TMEM132D: variants seen among roughly 807,000 people sequenced by gnomAD.
The protein encoded by TMEM132D is mature OL transmembrane protein.
A neutral mutation model predicts 62.3 loss-of-function variants in TMEM132D; 21 were observed. The ratio of observed to expected loss-of-function variants is 0.34; its 90% confidence interval spans 0.24 to 0.49. The LOEUF is 0.49. Ranked by LOEUF, TMEM132D falls within the 20% of genes least tolerant of loss-of-function variation. The pLI, the probability that TMEM132D is intolerant of heterozygous loss-of-function variation, is 0.99. For synonymous variants in TMEM132D, 621 were observed against 575.6 expected (o/e 1.08, Z -1.13); for missense variants, 1,346 against 1,402.8 (o/e 0.96, Z 0.65).
At chr12:129,785,149 G>C (rs1871218081) in intron 1 of TMEM132D, among the ~76,000 whole-genome samples, 1 of 152,170 alleles carries the variant, frequency 6.6e-6, no homozygotes, top group Non-Finnish European at 1.5e-5. Flanking sequence ...AGACCACTGA[G>C]TGCTGCTGTG....
intron 5 of TMEM132D, among the ~76,000 whole-genome samples, chr12:129,151,816 T>C (rs1663662385): frequency 6.6e-6 from 1 of 152,146 alleles, no homozygotes; most frequent in African/African-American, 2.4e-5. Flanking sequence ...AATATTTGTA[T>C]ATTACCTGGA....
At chr12:129,350,955 G>C (rs1300173309) in intron 3 of TMEM132D, among the ~76,000 whole-genome samples, 1 of 152,192 alleles carries the variant, frequency 6.6e-6, no homozygotes, top group Admixed American at 6.5e-5. Flanking sequence ...GCAGGTATCA[G>C]GCAAAGCTCC....
intron 1 of TMEM132D, among the ~76,000 whole-genome samples, chr12:129,901,308 T>C (rs891457608): frequency 1.3e-5 from 2 of 152,222 alleles, no homozygotes; most frequent in South Asian, 2.1e-4. Flanking sequence ...GGGAAAAGAA[T>C]GGCCCTGTCC....
At chr12:129,422,878 A>G (rs75496292) in intron 3 of TMEM132D, among the ~76,000 whole-genome samples, 27,967 of 80,190 alleles carry the variant, frequency 0.35, 3,014 homozygotes, top group African/African-American at 0.47. Context: ...ATATATGTGT[A>G]TATATATATA....
At chr12:129,365,286 G>A (rs536090367) in intron 3 of TMEM132D, among the ~76,000 whole-genome samples, 27 of 152,194 alleles carry the variant, frequency 1.8e-4, no homozygotes, top group African/African-American at 6.5e-4. Context: ...AACTGTTAAG[G>A]TTAATAGATG....
intron 2 of TMEM132D, among the ~76,000 whole-genome samples, chr12:129,610,641 C>CATAG (rs1878749501): frequency 6.6e-6 from 1 of 152,036 alleles, no homozygotes; most frequent in East Asian, 1.9e-4. Flanking sequence ...AGATTGCTTG[C>CATAG]ATAGAGCCAT....
In TMEM132D at chr12:129,074,339, T is replaced by C. The variant is rs752730914; in HGVS notation, c.2836A>G (p.Arg946Gly). Residue 946 changes from arginine (R) to glycine (G), a missense_variant, in exon 9 of 9, where the codon AGA becomes GGA. Physicochemically the swap from Arg to Gly is moderately radical, Grantham distance 125. Coordinates refer to ENST00000422113, the MANE Select transcript of TMEM132D (RefSeq NM_133448.3). ...TCCTCGAAGGGAACCTGTTTGTGTC[T>C]GTATTTTAATGCAAAGGTCACACAG... is the stretch of plus-strand genomic sequence containing the variant. ...INCVTFALKY[R>G]HKQVPFEEQE... 3 of 1,614,138 alleles carry C rather than the reference T, an allele frequency of 1.9e-6. No homozygotes were observed. The highest frequency in any genetic ancestry group is 2.2e-5 in the South Asian group (2 of 91,076).
At chr12:129,595,339 A>G (rs1005763924) in intron 2 of TMEM132D, among the ~76,000 whole-genome samples, 4 of 152,156 alleles carry the variant, frequency 2.6e-5, no homozygotes, top group African/African-American at 9.7e-5. Context: ...ATGTGCAGAG[A>G]TATCTTTGGT....
intron 2 of TMEM132D, among the ~76,000 whole-genome samples, chr12:129,594,657 C>T (rs1878284784): frequency 6.6e-6 from 1 of 152,168 alleles, no homozygotes; most frequent in Admixed American, 6.5e-5. Context: ...CAAAGCTCTC[C>T]TAAGTCCTGT....
chr12:129,866,582 T>G (rs532988402), intron 1 of TMEM132D, among the ~76,000 whole-genome samples: 4 of 150,976 alleles, frequency 2.6e-5, no homozygotes, highest in Non-Finnish European at 5.9e-5. Flanking sequence ...CCCTAGAACT[T>G]AAAGTATAAT....
At chr12:129,084,996 C>T in intron 5 of TMEM132D, 2 of 517,562 alleles carry the variant, frequency 3.9e-6, no homozygotes, top group Non-Finnish European at 6.7e-6. Flanking sequence ...GCTCCTGCCA[C>T]ATCTTCCGTA....
In TMEM132D at chr12:129,407,774, T is replaced by C. The variant is rs1008301782; in HGVS notation, c.1116-69957A>G. On this transcript the variant is annotated intron_variant, in intron 3 of 8. Coordinates refer to ENST00000422113, the MANE Select transcript of TMEM132D (RefSeq NM_133448.3). ...AAAATTAGCCGGGTGTGGTGGCGGG[T>C]GCCTGTAGTCCCAGCTACTCGGGAG... 8.0e-5 allele frequency among the ~76,000 whole-genome samples: 12 copies of C among 150,522 alleles called. No homozygotes were observed. In the South Asian group the frequency reaches 8.4e-4, roughly 11 times the overall value.
intron 5 of TMEM132D, among the ~76,000 whole-genome samples, chr12:129,191,758 A>C (rs1878410064): frequency 6.6e-6 from 1 of 150,804 alleles, no homozygotes; most frequent in African/African-American, 2.5e-5. Flanking sequence ...CCATACACAC[A>C]CACAGAACAC....
rs1875416564 is a variant in TMEM132D, at chr12:129,903,051, A to G, written c.79+210T>C. ...CTAAGGCCTCCCACCCAAGTGCTCC[A>G]GGACAAGCACCTTCGGCCAAGGGGC... On this transcript the variant is annotated intron_variant, in intron 1 of 8. Transcript: ENST00000422113. The surrounding 1 kb of genome is among the most constrained non-coding windows in gnomAD (Gnocchi z 6.2). 6.6e-6 allele frequency among the ~76,000 whole-genome samples: 1 copy of G among 152,166 alleles called. No individual in the cohort carries two copies. The highest frequency in any genetic ancestry group is 1.5e-5 in the Non-Finnish European group (1 of 68,014).
At chr12:129,448,632 G>A (rs1384068025) in intron 3 of TMEM132D, among the ~76,000 whole-genome samples, 1 of 152,180 alleles carries the variant, frequency 6.6e-6, no homozygotes, top group African/African-American at 2.4e-5. Flanking sequence ...GGTCATTGGT[G>A]AGCATTTACG....
chr12:129,823,966 C>T (rs148567827), intron 1 of TMEM132D, among the ~76,000 whole-genome samples: 3 of 152,232 alleles, frequency 2.0e-5, no homozygotes, highest in Non-Finnish European at 4.4e-5. Flanking sequence ...ATGAGCCAGG[C>T]GTTGATGTAG....
chr12:129,804,717 A>G (rs1871918769), intron 1 of TMEM132D, among the ~76,000 whole-genome samples: 1 of 64,894 alleles, frequency 1.5e-5, no homozygotes, highest in African/African-American at 4.8e-5. Flanking sequence ...AAGGAAATAA[A>G]GGGTATTCAA....
At chr12:129,409,297 G>A (rs941835936) in intron 3 of TMEM132D, among the ~76,000 whole-genome samples, 10 of 152,080 alleles carry the variant, frequency 6.6e-5, no homozygotes, top group Admixed American at 5.9e-4. Context: ...GCCTACTCAG[G>A]TCTCTCCTGG....
intron 3 of TMEM132D, among the ~76,000 whole-genome samples, chr12:129,443,695 G>C (rs1449334042): frequency 6.6e-6 from 1 of 151,720 alleles, no homozygotes; most frequent in Non-Finnish European, 1.5e-5. Context: ...CCCTTTCCCT[G>C]CTTTCAGCTC....
Sources: gnomAD v4.1 joint callset for allele counts (sites outside exome capture counted in the v4.1 genomes callset) on GRCh38, gnomAD v4.1.1 for gene constraint, Gnocchi (gnomAD v3.1) non-coding constraint, MANE v1.5 for transcripts, NCBI Gene and HGNC (gene_info 2026-07-23, HGNC 2026-07-21) for gene names.